The following UBE2U variants were observed in gnomAD, a reference collection of about 807,000 sequenced individuals.
UBE2U encodes the protein ubiquitin conjugating enzyme E2 U.
A neutral mutation model predicts 41.2 loss-of-function variants in UBE2U; 39 were observed. The ratio of observed to expected loss-of-function variants is 0.95; its 90% confidence interval spans 0.73 to 1.24. The LOEUF (loss-of-function observed/expected upper bound fraction) is 1.24, where lower values mean the gene tolerates loss of function less well. Among genes scored for constraint, UBE2U ranks in the 50% most tolerant of loss-of-function variants. UBE2U has a pLI of 0.00. For synonymous variants in UBE2U, 107 were observed against 117.8 expected (o/e 0.91, Z 0.60); for missense variants, 336 against 363.1 (o/e 0.93, Z 0.61).
intron 8 of UBE2U, among the ~76,000 whole-genome samples, chr1:64,245,350 C>A (rs1030265881): frequency 1.3e-5 from 2 of 152,126 alleles, no homozygotes; most frequent in East Asian, 3.9e-4. Context: ...GCTGTTCTTT[C>A]GAGTGTTCTT....
chr1:64,239,157 A>AAG, intron 7 of UBE2U, among the ~76,000 whole-genome samples: 1,876 of 36,160 alleles, frequency 0.052, 168 homozygotes, highest in East Asian at 0.14. Context: ...GAAGAAGAAG[A>AAG]AAGAAGAAGA....
At chr1:64,243,262 T>C (rs771969230) in intron 8 of UBE2U, among the ~76,000 whole-genome samples, 1 of 152,204 alleles carries the variant, frequency 6.6e-6, no homozygotes, top group Non-Finnish European at 1.5e-5. Context: ...CTCCACTATT[T>C]AAATGCAGTT....
At chr1:64,239,183 A>AGAAGAAGAG (rs1644784955) in intron 7 of UBE2U, among the ~76,000 whole-genome samples, 1 of 140,194 alleles carries the variant, frequency 7.1e-6, no homozygotes, top group African/African-American at 2.9e-5. Context: ...AAGAAGAAGA[A>AGAAGAAGAG]GAAGAAGAAA....
intron 8 of UBE2U, among the ~76,000 whole-genome samples, chr1:64,243,353 A>C (rs1374410088): frequency 6.6e-6 from 1 of 152,204 alleles, no homozygotes; most frequent in Admixed American, 6.6e-5. Flanking sequence ...AGTAAAATCT[A>C]AAAAATCTAA....
chr1:64,253,079 T>C (rs1645036985), intron 8 of UBE2U, among the ~76,000 whole-genome samples: 1 of 151,144 alleles, frequency 6.6e-6, no homozygotes, highest in South Asian at 2.1e-4. Context: ...AACAACCTGA[T>C]GGAGCTGAAA....
intron 4 of UBE2U, among the ~76,000 whole-genome samples, chr1:64,213,399 T>C (rs1651777637): frequency 6.6e-6 from 1 of 152,190 alleles, no homozygotes. Context: ...TTGGAACAAA[T>C]GAATCGTCCT....
intron 7 of UBE2U, among the ~76,000 whole-genome samples, chr1:64,234,694 C>T (rs1570058658): frequency 6.6e-6 from 1 of 152,108 alleles, no homozygotes; most frequent in Non-Finnish European, 1.5e-5. Context: ...CAATCTTTAG[C>T]AGCTCTATCA....
chr1:64,260,485 C>A, intron 8 of UBE2U, 118 bp from the exon 9 acceptor site: 1 of 721,092 alleles, frequency 1.4e-6, no homozygotes, highest in South Asian at 2.0e-5. Context: ...GTTCCATATT[C>A]AAAGCCTATT....
chr1:64,244,147 G>A, intron 8 of UBE2U: 1 of 1,609,398 alleles, frequency 6.2e-7, no homozygotes, highest in Non-Finnish European at 8.5e-7. Flanking sequence ...ATCTTTCTTT[G>A]GAAGCAGCAT....
At position 64,213,325 on chromosome 1, in the gene UBE2U, C is replaced by T. The variant is rs548324797; in HGVS notation, c.340-1490C>T. ...TCTCCAGTTCCCCTCTGCCTGGCAA[C>T]TCATTTTCTCCTCTTCTCTTCCTCA... On this transcript the variant is annotated intron_variant, in intron 4 of 9. Coordinates refer to ENST00000371077, the MANE Select transcript of UBE2U (RefSeq NM_001366232.2). Among the ~76,000 whole-genome samples the T allele has an allele frequency of 1.7e-3, 258 of 152,310 alleles. 1 individual carries two copies. Among genetic ancestry groups the T allele is most frequent in the African/African-American group, 6.1e-3 (252 of 41,574 alleles).
intron 9 of UBE2U, among the ~76,000 whole-genome samples, chr1:64,262,339 T>A (rs1439896019): frequency 6.6e-6 from 1 of 152,196 alleles, no homozygotes; most frequent in African/African-American, 2.4e-5. Context: ...ATTTATTATT[T>A]TACTGTTTCT....
chr1:64,226,751 AAG>A (rs1652900411), intron 6 of UBE2U, among the ~76,000 whole-genome samples: 2 of 147,490 alleles, frequency 1.4e-5, no homozygotes, highest in South Asian at 4.3e-4. Flanking sequence ...AAAAAAAAAA[AAG>A]GTATTCAAAC....
intron 8 of UBE2U, among the ~76,000 whole-genome samples, chr1:64,251,249 A>G (rs1645006589): frequency 6.6e-6 from 1 of 151,522 alleles, no homozygotes; most frequent in Non-Finnish European, 1.5e-5. Context: ...TCAAGGTTAC[A>G]TTCCTGATAT....
At chr1:64,221,963 T>C (rs1652506673) in intron 6 of UBE2U, among the ~76,000 whole-genome samples, 2 of 152,138 alleles carry the variant, frequency 1.3e-5, no homozygotes, top group South Asian at 4.2e-4. Context: ...GACAGCCACC[T>C]GTAGTCCCAG....
chr1:64,219,778 T>C (rs1306972769), intron 5 of UBE2U, among the ~76,000 whole-genome samples: 2 of 151,982 alleles, frequency 1.3e-5, no homozygotes, highest in Non-Finnish European at 2.9e-5. Flanking sequence ...TTGTATTTTT[T>C]TAGTAGAGAT....
intron 6 of UBE2U, among the ~76,000 whole-genome samples, chr1:64,227,277 T>C (rs528016277): frequency 2.6e-5 from 4 of 152,140 alleles, no homozygotes; most frequent in Non-Finnish European, 5.9e-5. Flanking sequence ...GCCAGTGCAA[T>C]GAGGCAAGGA....
chr1:64,241,384 A>T (rs1465537415), intron 7 of UBE2U, among the ~76,000 whole-genome samples: 1 of 152,232 alleles, frequency 6.6e-6, no homozygotes, highest in East Asian at 1.9e-4. Context: ...AATTTTATTT[A>T]ACATGATAAA....
intron 8 of UBE2U, 50 bp from the exon 9 acceptor site, chr1:64,260,553 A>G: frequency 7.1e-7 from 1 of 1,406,438 alleles, no homozygotes; most frequent in Non-Finnish European, 9.7e-7. Flanking sequence ...AAGTAAATAT[A>G]CCCTTACCAA....
chr1:64,238,492 C>T (rs909288673), intron 7 of UBE2U, among the ~76,000 whole-genome samples: 1 of 151,522 alleles, frequency 6.6e-6, no homozygotes, highest in Non-Finnish European at 1.5e-5. Context: ...CTCACAAGAA[C>T]TCTGGGGAGC....
Sources: gnomAD v4.1 joint callset for allele counts (sites outside exome capture counted in the v4.1 genomes callset) on GRCh38, gnomAD v4.1.1 for gene constraint, MANE v1.5 for transcripts, NCBI Gene and HGNC (gene_info 2026-07-23, HGNC 2026-07-21) for gene names.